COL8A1: variants seen among roughly 807,000 people sequenced by gnomAD.
COL8A1 encodes the protein collagen alpha-1(VIII) chain.
Under a neutral mutation model 42.7 loss-of-function variants are expected in COL8A1, and 21 were observed. The observed-to-expected ratio is 0.49, with a 90% confidence interval of 0.35 to 0.71. The LOEUF (loss-of-function observed/expected upper bound fraction) is 0.71, where lower values mean the gene tolerates loss of function less well. Among genes scored for constraint, COL8A1 ranks in the 30% least tolerant of loss-of-function variants. The pLI is 0.01. For synonymous variants in COL8A1, 367 were observed against 369.1 expected (o/e 0.99, Z 0.06); for missense variants, 788 against 962.4 (o/e 0.82, Z 2.40).
rs572206314 is a variant in COL8A1, at chr3:99,777,078, C to G, written c.-3-13602C>G. On this transcript the variant is annotated intron_variant, in intron 2 of 3. Coordinates refer to ENST00000652472, the MANE Select transcript of COL8A1 (RefSeq NM_020351.4). Reference sequence around the variant, plus strand: ...CATCTTTGTGACCTGTATCTTGTGCCGGTCTCCTATCTCATCCTGTGACTA... The same window carrying G: ...CATCTTTGTGACCTGTATCTTGTGCGGGTCTCCTATCTCATCCTGTGACTA... Among the ~76,000 whole-genome samples the G allele has an allele frequency of 2.2e-4, 34 of 152,264 alleles. No individual in the cohort carries two copies. In the South Asian group the frequency reaches 6.6e-3, roughly 30 times the overall value.
intron 1 of COL8A1, among the ~76,000 whole-genome samples, chr3:99,697,917 T>C (rs1468642761): frequency 6.6e-6 from 1 of 152,192 alleles, no homozygotes; most frequent in East Asian, 1.9e-4. Flanking sequence ...GCTGCACCCA[T>C]CAACTCGTCA....
At chr3:99,697,635 A>G (rs541448885) in intron 1 of COL8A1, among the ~76,000 whole-genome samples, 4 of 152,190 alleles carry the variant, frequency 2.6e-5, no homozygotes, top group African/African-American at 4.8e-5. Context: ...ACACAATTCT[A>G]ACAATGAGGA....
chr3:99,782,532 C>T (rs1396364790), intron 2 of COL8A1, among the ~76,000 whole-genome samples: 1 of 152,144 alleles, frequency 6.6e-6, no homozygotes, highest in Non-Finnish European at 1.5e-5. Flanking sequence ...GCTGGGATTA[C>T]AGGCATGTGC....
chr3:99,717,945 T>C (rs1696171509), intron 1 of COL8A1, among the ~76,000 whole-genome samples: 2 of 152,050 alleles, frequency 1.3e-5, no homozygotes, highest in Non-Finnish European at 2.9e-5. Context: ...GTCTCTAAAA[T>C]GTTTTTTGTC....
intron 2 of COL8A1, among the ~76,000 whole-genome samples, chr3:99,766,736 G>C (rs533843002): frequency 6.6e-6 from 1 of 152,274 alleles, no homozygotes; most frequent in Middle Eastern, 3.4e-3. Flanking sequence ...GATCACCTGA[G>C]GTCAGGAGTT....
At chr3:99,729,859 A>G (rs1576451638) in intron 1 of COL8A1, among the ~76,000 whole-genome samples, 1 of 152,104 alleles carries the variant, frequency 6.6e-6, no homozygotes, top group East Asian at 1.9e-4. Context: ...AGGAACCTCA[A>G]GATGCCTCAC....
intron 1 of COL8A1, among the ~76,000 whole-genome samples, chr3:99,654,883 G>GT (rs1291165181): frequency 1.3e-5 from 2 of 151,800 alleles, no homozygotes; most frequent in East Asian, 1.9e-4. Context: ...ACCATAAGAG[G>GT]TTTTTTTTAA....
intron 1 of COL8A1, among the ~76,000 whole-genome samples, chr3:99,692,862 T>A (rs1481506338): frequency 6.6e-6 from 1 of 152,200 alleles, no homozygotes; most frequent in African/African-American, 2.4e-5. Context: ...GCCAGCGGTA[T>A]AAAAGTATTG....
intron 1 of COL8A1, among the ~76,000 whole-genome samples, chr3:99,738,578 C>T (rs1215684199): frequency 1.3e-5 from 2 of 152,180 alleles, no homozygotes; most frequent in Non-Finnish European, 1.5e-5. Flanking sequence ...GCAGTCTGCC[C>T]GTTCTCAGAT....
chr3:99,714,977 C>CT (rs1204624572), intron 1 of COL8A1, among the ~76,000 whole-genome samples: 1 of 151,894 alleles, frequency 6.6e-6, no homozygotes, highest in African/African-American at 2.4e-5. Flanking sequence ...ATGCGAAGTC[C>CT]TTAGGGAGCA....
At chr3:99,734,301 C>G (rs75909664) in intron 1 of COL8A1, among the ~76,000 whole-genome samples, 1 of 138,526 alleles carries the variant, frequency 7.2e-6, no homozygotes, top group African/African-American at 2.9e-5. Context: ...TTTAAGTCTT[C>G]AATCCATCTT....
At position 99,705,205 on chromosome 3, in the gene COL8A1, G is replaced by A. The variant is rs144232107; in HGVS notation, c.-128-39692G>A. Among the ~76,000 whole-genome samples, 535 of 152,256 alleles carry A rather than the reference G, an allele frequency of 3.5e-3. 2 individuals carry two copies. Among genetic ancestry groups the A allele is most frequent in the African/African-American group, 0.012 (503 of 41,544 alleles). ...AGTTTCCCATTCGAATCCCCAAGTA[G>A]TTCTGACGTACGTCCAGGTTAGTGA... is the stretch of plus-strand genomic sequence containing the variant. On this transcript the variant is annotated intron_variant, in intron 1 of 3. Transcript: ENST00000652472.
At chr3:99,652,626 G>T (rs1937882184) in intron 1 of COL8A1, among the ~76,000 whole-genome samples, 1 of 152,188 alleles carries the variant, frequency 6.6e-6, no homozygotes, top group African/African-American at 2.4e-5. Flanking sequence ...AAAGAAAGCG[G>T]ACTGACCTGC....
chr3:99,693,392 G>C (rs186087997), intron 1 of COL8A1, among the ~76,000 whole-genome samples: 1 of 152,286 alleles, frequency 6.6e-6, no homozygotes, highest in Admixed American at 6.5e-5. Flanking sequence ...GAAGGCATAG[G>C]ATATGACAGT....
Position 99,799,144 on chromosome 3 carries a change from G to T in COL8A1, c.*3008G>T, listed in dbSNP as rs1464565731. 1 of 152,188 alleles carries T rather than the reference G, an allele frequency of 6.6e-6. No homozygotes were observed. The highest frequency in any genetic ancestry group is 1.5e-5 in the Non-Finnish European group (1 of 68,024). 9.4% of individuals were successfully genotyped at this position (152,188 alleles called of 1,614,324 possible). Reference sequence around the variant, plus strand: ...AGTTCCCATGACAGATTTGAGACTTGTCAATAGCAAATCATTTTTGTATTT... The same window carrying T: ...AGTTCCCATGACAGATTTGAGACTTTTCAATAGCAAATCATTTTTGTATTT... On this transcript the variant is annotated 3_prime_UTR_variant, in exon 4 of 4. Transcript: ENST00000652472.
intron 1 of COL8A1, among the ~76,000 whole-genome samples, chr3:99,738,637 CAG>C (rs770482432): frequency 2.0e-5 from 3 of 152,216 alleles, no homozygotes; most frequent in Non-Finnish European, 4.4e-5. Flanking sequence ...AGCTGTCAGA[CAG>C]GGACATTTAA....
intron 1 of COL8A1, among the ~76,000 whole-genome samples, chr3:99,663,476 A>AT (rs879457519): frequency 1.0e-3 from 154 of 149,592 alleles, no homozygotes; most frequent in African/African-American, 3.2e-3. Flanking sequence ...TTGTTTGGGG[A>AT]TTTTTTTTTT....
At chr3:99,642,542 C>T (rs1316746954) in intron 1 of COL8A1, among the ~76,000 whole-genome samples, 2 of 152,172 alleles carry the variant, frequency 1.3e-5, no homozygotes, top group Non-Finnish European at 2.9e-5. Context: ...TATGAACACA[C>T]ACCTGACAAT....
intron 2 of COL8A1, among the ~76,000 whole-genome samples, chr3:99,748,577 A>G (rs1373857195): frequency 1.3e-5 from 2 of 152,218 alleles, no homozygotes; most frequent in Admixed American, 1.3e-4. Context: ...TAAAAAACAT[A>G]AAGTTGATAT....
Sources: gnomAD v4.1 joint callset for allele counts (sites outside exome capture counted in the v4.1 genomes callset) on GRCh38, gnomAD v4.1.1 for gene constraint, MANE v1.5 for transcripts, NCBI Gene and HGNC (gene_info 2026-07-23, HGNC 2026-07-21) for gene names.